Variants in BANP observed in about 807,000 individuals in gnomAD.
BANP encodes the protein BTG3 associated nuclear protein, also known as protein BANP.
In BANP, 11 loss-of-function variants were observed where a neutral mutation model predicts 68.1. The observed-to-expected ratio is 0.16, with a 90% CI of 0.10 to 0.27. The LOEUF is 0.27. BANP is among the 10% of genes least tolerant of loss of function. The probability of loss-of-function intolerance (pLI) is 1.00; values close to 1 mark genes in which losing one functional copy is unlikely to be tolerated. For missense variants in BANP, 504 were observed against 722.7 expected (o/e 0.70, Z 3.47); for synonymous variants, 329 against 303.2 (o/e 1.09, Z -0.88).
intron 1 of BANP, among the ~76,000 whole-genome samples, chr16:87,973,454 T>C (rs1476517299): frequency 1.3e-5 from 2 of 152,168 alleles, no homozygotes; most frequent in Non-Finnish European, 2.9e-5. Context: ...CACAAATTGT[T>C]ATCCCCAAGA....
At chr16:87,963,875 A>G (rs1349803926) in intron 1 of BANP, among the ~76,000 whole-genome samples, 1 of 152,204 alleles carries the variant, frequency 6.6e-6, no homozygotes, top group Non-Finnish European at 1.5e-5. Context: ...GCCCAGTTAC[A>G]GTGGGTTTCC....
chr16:87,987,727 A>AAAAAAAAAAG (rs2064829942), intron 4 of BANP, among the ~76,000 whole-genome samples: 1 of 149,540 alleles, frequency 6.7e-6, no homozygotes, highest in Non-Finnish European at 1.5e-5. Flanking sequence ...AAAAAAAAAA[A>AAAAAAAAAAG]AAAAAAAAAA....
At chr16:88,052,096 C>T (rs576183331) in intron 11 of BANP, among the ~76,000 whole-genome samples, 1 of 152,274 alleles carries the variant, frequency 6.6e-6, no homozygotes, top group South Asian at 2.1e-4. Context: ...AGGACAGGCA[C>T]CCATTCCTGG....
chr16:87,978,441 C>G (rs2062610063), intron 2 of BANP: 1 of 352,048 alleles, frequency 2.8e-6, no homozygotes, highest in Non-Finnish European at 5.7e-6. Context: ...TTCTTCCAGG[C>G]CTTGTGTGAT....
chr16:88,024,055 C>T lies in BANP; in HGVS notation c.896-3428C>T, dbSNP rs113525703. Among the ~76,000 whole-genome samples the T allele has an allele frequency of 4.7e-4, 71 of 152,296 alleles. 1 individual carries two copies. The highest frequency in any genetic ancestry group is 1.6e-3 in the African/African-American group (65 of 41,576). On this transcript the variant is annotated intron_variant, in intron 7 of 13. Transcript: ENST00000682872. ...ACTTCTGTTCTCCTTGTGTCCTGGGCGCTGCTGCAGGGGAGACTTCTGCCT... is the reference window on the plus strand; with the variant it reads ...ACTTCTGTTCTCCTTGTGTCCTGGGTGCTGCTGCAGGGGAGACTTCTGCCT...
At chr16:88,028,294 G>A (rs1253254226) in intron 8 of BANP, among the ~76,000 whole-genome samples, 1 of 152,232 alleles carries the variant, frequency 6.6e-6, no homozygotes, top group Non-Finnish European at 1.5e-5. Context: ...TGGGGCTGGG[G>A]TCAGGATGCG....
chr16:87,959,206 G>C (rs1017078143), intron 1 of BANP, among the ~76,000 whole-genome samples: 2 of 152,226 alleles, frequency 1.3e-5, no homozygotes, highest in Non-Finnish European at 2.9e-5. Flanking sequence ...CTGCTGTTGG[G>C]CTGAGAAGCA....
At chr16:87,969,418 A>G (rs1322870760) in intron 1 of BANP, among the ~76,000 whole-genome samples, 1 of 152,052 alleles carries the variant, frequency 6.6e-6, no homozygotes, top group Non-Finnish European at 1.5e-5. Flanking sequence ...CGCAACAGCC[A>G]TGTTTTCTGA....
chr16:88,057,219 C>T lies in BANP; in HGVS notation c.1312-8048C>T, dbSNP rs1045472472. 4.6e-5 allele frequency among the ~76,000 whole-genome samples: 7 copies of T among 152,080 alleles called. No homozygotes were observed. Among genetic ancestry groups the T allele is most frequent in the African/African-American group, 9.7e-5 (4 of 41,398 alleles). On this transcript the variant is annotated intron_variant, in intron 11 of 13. Coordinates refer to ENST00000682872, the MANE Select transcript of BANP (RefSeq NM_001386991.1). The surrounding 1 kb of genome is among the most constrained non-coding windows in gnomAD (Gnocchi z 4.6). ...TTCACACAGCTGGCACGGGATGCTTCGAAGTGGGGTACGGGCCAGCCGCCA... is the reference window on the plus strand; with the variant it reads ...TTCACACAGCTGGCACGGGATGCTTTGAAGTGGGGTACGGGCCAGCCGCCA...
At chr16:87,998,150 C>T (rs1245047095) in intron 4 of BANP, among the ~76,000 whole-genome samples, 3 of 152,202 alleles carry the variant, frequency 2.0e-5, no homozygotes, top group Non-Finnish European at 4.4e-5. Flanking sequence ...AGTCTTCACC[C>T]ATGTCCTGTG....
chr16:87,967,639 T>G (rs1356139837), intron 1 of BANP, among the ~76,000 whole-genome samples: 1 of 149,966 alleles, frequency 6.7e-6, no homozygotes, highest in Non-Finnish European at 1.5e-5. Flanking sequence ...TTTTTTTTTT[T>G]GAGATGGAGT....
intron 4 of BANP, among the ~76,000 whole-genome samples, chr16:87,992,522 G>A (rs1198347505): frequency 2.0e-5 from 3 of 152,072 alleles, no homozygotes; most frequent in Non-Finnish European, 2.9e-5. Flanking sequence ...TGCCAGTCAC[G>A]GTGGCTCATG....
chr16:88,059,052 A>AGTGCTGTGGTCCGTGCTCCTGCTGGT (rs2085953580), intron 11 of BANP, among the ~76,000 whole-genome samples: 1 of 149,430 alleles, frequency 6.7e-6, no homozygotes, highest in Non-Finnish European at 1.5e-5. Flanking sequence ...CCTGTACCAC[A>AGTGCTGTGGTCCGTGCTCCTGCTGGT]GTGCTGTGGT....
chr16:87,959,383 A>G, intron 1 of BANP, among the ~76,000 whole-genome samples: 1 of 152,240 alleles, frequency 6.6e-6, no homozygotes, highest in East Asian at 1.9e-4. Context: ...CTCACGTGCC[A>G]CCCCCTGACC....
chr16:88,032,216 C>G lies in BANP; in HGVS notation c.1064-893C>G, dbSNP rs1231084795. On this transcript the variant is annotated intron_variant, in intron 8 of 13. Transcript: ENST00000682872. ...ATCTTACTGCTTCCCTCCCCTGTAC[C>G]CCCGAGATGGAGTCTCGCTCTGTTG... Among the ~76,000 whole-genome samples, 7 of 152,054 alleles carry G rather than the reference C, an allele frequency of 4.6e-5. No homozygotes were observed. The East Asian group carries it at 1.4e-3, about 29-fold the overall frequency.
intron 6 of BANP, among the ~76,000 whole-genome samples, chr16:88,013,596 G>A (rs2073783626): frequency 6.6e-6 from 1 of 152,238 alleles, no homozygotes; most frequent in African/African-American, 2.4e-5. Context: ...TCCTTAGACT[G>A]CTGCCTGCAC....
rs531769451 is a variant in BANP at position 88,002,644 on chromosome 16, G to A, written c.363-1651G>A. On this transcript the variant is annotated intron_variant, in intron 4 of 13. Coordinates refer to ENST00000682872, the MANE Select transcript of BANP (RefSeq NM_001386991.1). The surrounding 1 kb of genome is among the most constrained non-coding windows in gnomAD (Gnocchi z 4.6). ...GCCCCCCAGAAGCTGTGGGGCACCC[G>A]AGGGGCACATTATTCCAGTTGGGAG... Among the ~76,000 whole-genome samples the A allele has an allele frequency of 1.3e-5, 2 of 152,172 alleles. No homozygotes were observed. The highest frequency in any genetic ancestry group is 4.8e-5 in the African/African-American group (2 of 41,436).
intron 11 of BANP, among the ~76,000 whole-genome samples, chr16:88,038,737 C>T (rs562938396): frequency 2.0e-5 from 3 of 152,146 alleles, no homozygotes; most frequent in African/African-American, 7.2e-5. Context: ...ACAGAGTCCA[C>T]TCGCTGGTGG....
chr16:87,962,312 T>C (rs1288749837), intron 1 of BANP, among the ~76,000 whole-genome samples: 3 of 151,512 alleles, frequency 2.0e-5, no homozygotes, highest in Non-Finnish European at 4.4e-5. Context: ...TACTCAGTTA[T>C]AGCAACAGAA....
Sources: gnomAD v4.1 joint callset for allele counts (sites outside exome capture counted in the v4.1 genomes callset) on GRCh38, gnomAD v4.1.1 for gene constraint, Gnocchi (gnomAD v3.1) non-coding constraint, MANE v1.5 for transcripts, NCBI Gene and HGNC (gene_info 2026-07-23, HGNC 2026-07-21) for gene names.